Variants in NALCN observed in about 807,000 individuals in gnomAD.
NALCN encodes the protein sodium leak channel NALCN.
NALCN carries 111 observed loss-of-function variants against 225.3 expected under a neutral mutation model. That is an observed-to-expected ratio of 0.49 (90% CI 0.42 to 0.58). NALCN has a LOEUF of 0.58. Ranked by LOEUF, NALCN falls within the 20% of genes least tolerant of loss-of-function variation. The pLI is 0.00. For missense variants in NALCN, 1,378 were observed against 2,202.4 expected (o/e 0.63, Z 7.49); for synonymous variants, 764 against 769.0 (o/e 0.99, Z 0.11).
At chr13:101,068,591 A>C in intron 38 of NALCN, 104 bp downstream of exon 38, 1 of 1,221,676 alleles carries the variant, frequency 8.2e-7, no homozygotes, top group East Asian at 2.9e-5. Context: ...TAATGCCATG[A>C]AACACCCACC....
At chr13:101,139,455 A>G (rs1260994202) in intron 17 of NALCN, among the ~76,000 whole-genome samples, 1 of 152,226 alleles carries the variant, frequency 6.6e-6, no homozygotes, top group Non-Finnish European at 1.5e-5. Flanking sequence ...CTGGTACAAG[A>G]TAACCATTAA....
Position 101,365,611 on chromosome 13 carries a change from C to T in NALCN, c.644+11089G>A, listed in dbSNP as rs958378746. 2.0e-5 allele frequency among the ~76,000 whole-genome samples: 3 copies of T among 152,128 alleles called. No homozygotes were observed. The East Asian group carries it at 5.8e-4, about 29-fold the overall frequency. On this transcript the variant is annotated intron_variant, in intron 6 of 43. Coordinates refer to ENST00000251127, the MANE Select transcript of NALCN (RefSeq NM_052867.4). ...ACTTTATATTATCTCTAATTCAACT[C>T]TTGGTGATATTTTATAAAATACCAA...
chr13:101,208,031 C>A (rs1409583347), intron 13 of NALCN, among the ~76,000 whole-genome samples: 1 of 151,822 alleles, frequency 6.6e-6, no homozygotes, highest in South Asian at 2.1e-4. Flanking sequence ...AGGTCTGCAG[C>A]GTCACTCCTG....
chr13:101,324,900 T>C (rs2073077670), intron 7 of NALCN, among the ~76,000 whole-genome samples: 1 of 152,232 alleles, frequency 6.6e-6, no homozygotes, highest in Non-Finnish European at 1.5e-5. Flanking sequence ...CAGTATGATA[T>C]TGGCTGTGGT....
At chr13:101,100,026 A>G (rs1031223259) in intron 27 of NALCN, among the ~76,000 whole-genome samples, 7 of 152,206 alleles carry the variant, frequency 4.6e-5, no homozygotes, top group Non-Finnish European at 1.0e-4. Context: ...ATAACCAATG[A>G]CTGAAGAAAG....
intron 7 of NALCN, among the ~76,000 whole-genome samples, chr13:101,309,621 A>G (rs758697350): frequency 2.3e-4 from 35 of 152,214 alleles, no homozygotes; most frequent in Admixed American, 5.2e-4. Context: ...TTGTGGTTTG[A>G]GTGAAATTCA....
chr13:101,296,334 T>C (rs777045850), intron 7 of NALCN, among the ~76,000 whole-genome samples: 3 of 152,222 alleles, frequency 2.0e-5, no homozygotes, highest in Non-Finnish European at 4.4e-5. Flanking sequence ...TATTTGCTTT[T>C]TGATTAATTC....
At chr13:101,380,380 A>C (rs1018860823) in intron 3 of NALCN, among the ~76,000 whole-genome samples, 5 of 152,198 alleles carry the variant, frequency 3.3e-5, no homozygotes, top group African/African-American at 1.2e-4. Context: ...TGACATTAGA[A>C]TGCTTTAATA....
At chr13:101,102,569 G>A (rs2034881306) in intron 26 of NALCN, among the ~76,000 whole-genome samples, 1 of 152,130 alleles carries the variant, frequency 6.6e-6, no homozygotes, top group South Asian at 2.1e-4. Context: ...TTTTATCTCT[G>A]ACCTTGTTTT....
At chr13:101,164,773 T>C (rs192449717) in intron 15 of NALCN, among the ~76,000 whole-genome samples, 16 of 152,310 alleles carry the variant, frequency 1.1e-4, no homozygotes, top group African/African-American at 3.8e-4. Flanking sequence ...ATTATAAAAG[T>C]AAGAATTTAT....
chr13:101,090,093 TACACACACACGTGTGCGTGCACAC>T, intron 28 of NALCN, 127 bp from the exon 29 acceptor site: 3 of 1,330,128 alleles, frequency 2.3e-6, no homozygotes, highest in African/African-American at 1.5e-5. Context: ...CACACATATA[TACACACACACGTGTGCGTGCACAC>T]ACACATACAT....
intron 6 of NALCN, among the ~76,000 whole-genome samples, chr13:101,352,576 T>C (rs1009927008): frequency 2.0e-5 from 3 of 152,108 alleles, no homozygotes; most frequent in African/African-American, 7.2e-5. Context: ...ACAAAAGCAA[T>C]TTTTAAACTA....
chr13:101,345,737 A>AATATATATCTATATATATATATATAT (rs2045700704), intron 6 of NALCN, among the ~76,000 whole-genome samples: 1 of 86,654 alleles, frequency 1.2e-5, no homozygotes, highest in Admixed American at 1.5e-4. Flanking sequence ...CAGCAAAGAG[A>AATATATATCTATATATATATATATAT]ATATATATAT....
Position 101,061,979 on chromosome 13 carries a change from G to T in NALCN, c.4744C>A (p.Arg1582Ser). The T allele has an allele frequency of 6.2e-7, 1 of 1,613,900 alleles. No individual in the cohort carries two copies. The highest frequency in any genetic ancestry group is 1.1e-5 in the South Asian group (1 of 91,056). Reference sequence around the variant, plus strand: ...TGCAGTTCACTCACAGCTCTGATGCGCTTCAGGCACTTCTTGAGCCACATG... The same window carrying T: ...TGCAGTTCACTCACAGCTCTGATGCTCTTCAGGCACTTCTTGAGCCACATG... ...IRMWLKKCLK[R>S]IRAKQQQSCS... The change falls in exon 41 of 44, where the codon CGC becomes AGC. Residue 1582 changes from arginine (R) to serine (S), a missense_variant. Around this residue, in one of 19 missense-constraint regions of NALCN, gnomAD observed 94 missense variants for 170.3 expected, o/e 0.55. Transcript: ENST00000251127.
chr13:101,359,149 C>A (rs943794719), intron 6 of NALCN, among the ~76,000 whole-genome samples: 1 of 152,056 alleles, frequency 6.6e-6, no homozygotes, highest in Non-Finnish European at 1.5e-5. Flanking sequence ...ACCTAGGTAG[C>A]AAACCTGCAC....
chr13:101,189,747 C>T lies in NALCN; in HGVS notation c.1764+2170G>A, dbSNP rs536218207. On this transcript the variant is annotated intron_variant, in intron 14 of 43. Transcript: ENST00000251127. ...CTTTTAAAAAGTGTGAATAAAAGAACAAGTTATTTCAATTTTCAGTTTTAA... is the reference window on the plus strand; with the variant it reads ...CTTTTAAAAAGTGTGAATAAAAGAATAAGTTATTTCAATTTTCAGTTTTAA... Among the ~76,000 whole-genome samples, 189 of 152,238 alleles carry T rather than the reference C, an allele frequency of 1.2e-3. 7 individuals are homozygous for T. The South Asian group carries it at 0.035, about 28-fold the overall frequency.
intron 10 of NALCN, among the ~76,000 whole-genome samples, chr13:101,272,295 C>G (rs956567861): frequency 6.6e-6 from 1 of 151,974 alleles, no homozygotes; most frequent in Non-Finnish European, 1.5e-5. Context: ...TCTCTGTTTG[C>G]GTGCATGCGT....
At chr13:101,158,285 C>T (rs1358540892) in intron 15 of NALCN, among the ~76,000 whole-genome samples, 2 of 152,234 alleles carry the variant, frequency 1.3e-5, no homozygotes, top group Non-Finnish European at 2.9e-5. Flanking sequence ...CAGCCAAAGA[C>T]GTCCTAAGAG....
At position 101,065,511 on chromosome 13, in the gene NALCN, C is replaced by G; in HGVS notation, c.4497G>C (p.Gly1499=). The part of the protein sequence containing the change: ...RVKFLLRLLR[G]RLEVDLDKDK... ...CCTTGTCCAGGTCCACCTCCAGCCT[C>G]CCACGCAGTAGCCGCAGCAGGAACT... Residue 1499 remains glycine (G), a synonymous_variant, in exon 40 of 44, where the codon GGG becomes GGC. Coordinates refer to ENST00000251127, the MANE Select transcript of NALCN (RefSeq NM_052867.4). 1 of 1,614,186 alleles carries G rather than the reference C, an allele frequency of 6.2e-7. No individual in the cohort carries two copies. Among genetic ancestry groups the G allele is most frequent in the Non-Finnish European group, 8.5e-7 (1 of 1,180,028 alleles).
Sources: gnomAD v4.1 joint callset for allele counts (sites outside exome capture counted in the v4.1 genomes callset) on GRCh38, gnomAD v4.1.1 for gene constraint, gnomAD v4.1.1 regional missense constraint, MANE v1.5 for transcripts, NCBI Gene and HGNC (gene_info 2026-07-23, HGNC 2026-07-21) for gene names.